The following TNFAIP8 variants were observed in gnomAD, a reference collection of about 807,000 sequenced individuals.
TNFAIP8 encodes the protein TNF alpha induced protein 8.
TNFAIP8 carries 7 observed loss-of-function variants against 13.3 expected under a neutral mutation model. The observed-to-expected ratio is 0.52, with a 90% confidence interval of 0.30 to 0.99. The LOEUF is 0.99. Among genes scored for constraint, TNFAIP8 ranks in the 50% least tolerant of loss-of-function variants. The probability of loss-of-function intolerance (pLI) is 0.07; values close to 1 mark genes in which losing one functional copy is unlikely to be tolerated. For missense variants in TNFAIP8, 258 were observed against 236.9 expected, an observed-to-expected ratio of 1.09 and a Z score of -0.58; for synonymous variants, 94 against 87.6, an observed-to-expected ratio of 1.07 and a Z score of -0.41.
At chr5:119,294,976 T>C (rs1418844091) in intron 1 of TNFAIP8, among the ~76,000 whole-genome samples, 11 of 152,120 alleles carry the variant, frequency 7.2e-5, no homozygotes, top group African/African-American at 2.6e-4. Context: ...GAAAATTTTC[T>C]CCCATTCTGT....
At chr5:119,282,207 A>T (rs1748652487) in intron 1 of TNFAIP8, among the ~76,000 whole-genome samples, 1 of 152,168 alleles carries the variant, frequency 6.6e-6, no homozygotes, top group African/African-American at 2.4e-5. Context: ...TCTGCTCTTG[A>T]CCCAGAATAA....
chr5:119,305,741 C>A (rs536193124), intron 1 of TNFAIP8, among the ~76,000 whole-genome samples: 1 of 152,354 alleles, frequency 6.6e-6, no homozygotes, highest in African/African-American at 2.4e-5. Flanking sequence ...ATACCCAAAT[C>A]ATGATAGCTC....
At chr5:119,305,587 C>T (rs1749525450) in intron 1 of TNFAIP8, among the ~76,000 whole-genome samples, 1 of 152,066 alleles carries the variant, frequency 6.6e-6, no homozygotes, top group South Asian at 2.1e-4. Context: ...CCTGGCAACA[C>T]AGTGAGATCC....
intron 1 of TNFAIP8, among the ~76,000 whole-genome samples, chr5:119,275,405 T>C (rs1307562963): frequency 6.6e-6 from 1 of 152,156 alleles, no homozygotes; most frequent in Non-Finnish European, 1.5e-5. Flanking sequence ...AGGTGGTTTG[T>C]AGATACTGAA....
intron 1 of TNFAIP8, among the ~76,000 whole-genome samples, chr5:119,292,685 T>TATAC (rs1470227218): frequency 6.1e-4 from 32 of 52,322 alleles, no homozygotes; most frequent in African/African-American, 1.4e-3. Flanking sequence ...TATATATATA[T>TATAC]ACACACACAC....
chr5:119,364,412 G>T (rs1385779860), intron 1 of TNFAIP8, among the ~76,000 whole-genome samples: 3 of 152,254 alleles, frequency 2.0e-5, no homozygotes, highest in Non-Finnish European at 4.4e-5. Flanking sequence ...CCGTCACCCA[G>T]GCTGGAGTGC....
chr5:119,271,675 G>A (rs1397361021), intron 1 of TNFAIP8, among the ~76,000 whole-genome samples: 2 of 152,212 alleles, frequency 1.3e-5, no homozygotes, highest in Non-Finnish European at 2.9e-5. Flanking sequence ...GACATGCACA[G>A]GGGCCAATCT....
intron 1 of TNFAIP8, among the ~76,000 whole-genome samples, chr5:119,362,344 C>A (rs1006119623): frequency 6.6e-6 from 1 of 152,102 alleles, no homozygotes; most frequent in African/African-American, 2.4e-5. Context: ...GTACATGGGG[C>A]CAGTCTAGAA....
At chr5:119,291,992 G>A (rs6877582) in intron 1 of TNFAIP8, among the ~76,000 whole-genome samples, 97,728 of 152,050 alleles carry the variant, frequency 0.64, 32,155 homozygotes, top group East Asian at 0.93. Context: ...TTGCAGAGAG[G>A]AGAAGTGAAG....
chr5:119,391,602 A>G (rs952647900), intron 1 of TNFAIP8: 3 of 502,164 alleles, frequency 6.0e-6, no homozygotes, highest in Middle Eastern at 8.5e-4. Flanking sequence ...TCTACTGAAA[A>G]TACACAATTA....
At chr5:119,368,857 G>A (rs1295019936) in intron 1 of TNFAIP8, among the ~76,000 whole-genome samples, 1 of 152,088 alleles carries the variant, frequency 6.6e-6, no homozygotes, top group Non-Finnish European at 1.5e-5. Context: ...GTGCTCTGGA[G>A]CTCCTTGACT....
intron 1 of TNFAIP8, among the ~76,000 whole-genome samples, chr5:119,294,038 T>G (rs999169920): frequency 6.6e-6 from 1 of 152,096 alleles, no homozygotes; most frequent in African/African-American, 2.4e-5. Context: ...TACCTTCTTT[T>G]TTTTCTTTTT....
intron 1 of TNFAIP8, among the ~76,000 whole-genome samples, chr5:119,332,284 C>G (rs72786152): frequency 0.089 from 13,505 of 152,074 alleles, 645 homozygotes; most frequent in African/African-American, 0.14. Context: ...ATTTGCTTCA[C>G]GTGGTTCTCG....
intron 1 of TNFAIP8, chr5:119,333,103 G>GTTTT: frequency 1.6e-6 from 1 of 624,404 alleles, no homozygotes; most frequent in Non-Finnish European, 2.0e-6. Flanking sequence ...CTTTTTTTTA[G>GTTTT]TTTTTTTTTT....
chr5:119,387,585 A>G (rs1398115683), intron 1 of TNFAIP8, among the ~76,000 whole-genome samples: 1 of 152,214 alleles, frequency 6.6e-6, no homozygotes, highest in African/African-American at 2.4e-5. Flanking sequence ...GTTAATTTTC[A>G]TAAAACTAAG....
At chr5:119,282,591 TC>T (rs1748664739) in intron 1 of TNFAIP8, among the ~76,000 whole-genome samples, 1 of 152,242 alleles carries the variant, frequency 6.6e-6, no homozygotes, top group Non-Finnish European at 1.5e-5. Context: ...AGTGTCTGAC[TC>T]CACAGTAAGG....
At chr5:119,335,257 C>G (rs1241736861) in intron 1 of TNFAIP8, among the ~76,000 whole-genome samples, 1 of 152,106 alleles carries the variant, frequency 6.6e-6, no homozygotes, top group Non-Finnish European at 1.5e-5. Flanking sequence ...AATAGGGAAA[C>G]GTACTTCTCT....
chr5:119,306,096 C>G (rs1253985584), intron 1 of TNFAIP8, among the ~76,000 whole-genome samples: 2 of 152,170 alleles, frequency 1.3e-5, no homozygotes, highest in Non-Finnish European at 2.9e-5. Flanking sequence ...AACAGGACTT[C>G]CTATGAATTC....
intron 1 of TNFAIP8, among the ~76,000 whole-genome samples, chr5:119,373,415 C>T (rs777029730): frequency 1.4e-4 from 21 of 152,076 alleles, no homozygotes; most frequent in Non-Finnish European, 2.6e-4. Context: ...CTTTCCTCAC[C>T]GGGACGTCAA....
Sources: allele counts gnomAD v4.1 joint callset (sites outside exome capture counted in the v4.1 genomes callset), GRCh38; gene constraint gnomAD v4.1.1; transcripts MANE v1.5; gene names NCBI Gene and HGNC (gene_info 2026-07-23, HGNC 2026-07-21).